Variants in TMEM47 observed in about 807,000 individuals in gnomAD.
The protein encoded by TMEM47 is transmembrane protein 47, also known as brain cell membrane protein 1.
In TMEM47, 3 loss-of-function variants were observed where a neutral mutation model predicts 12.4. The observed-to-expected ratio is 0.24, with a 90% CI of 0.11 to 0.63. The LOEUF is 0.63. Among genes scored for constraint, TMEM47 ranks in the 20% least tolerant of loss-of-function variants. The pLI, the probability that TMEM47 is intolerant of heterozygous loss-of-function variation, is 0.86. For missense variants in TMEM47, 89 were observed against 143.8 expected (o/e 0.62, Z 1.95); for synonymous variants, 62 against 63.3 (o/e 0.98, Z 0.10).
At chrX:34,655,189 T>A (rs1266243826) in intron 1 of TMEM47, among the ~76,000 whole-genome samples, 2 of 111,664 alleles carry the variant, frequency 1.8e-5, no homozygotes, top group African/African-American at 6.5e-5. Flanking sequence ...ATCTGAAAAG[T>A]CTTTATGCAA....
intron 1 of TMEM47, among the ~76,000 whole-genome samples, chrX:34,646,242 C>A (rs72626894): frequency 0.046 from 5,093 of 111,284 alleles, 248 homozygotes; most frequent in African/African-American, 0.15. Flanking sequence ...AATAATGGAA[C>A]ATTTTAGCTG....
intron 1 of TMEM47, among the ~76,000 whole-genome samples, chrX:34,643,373 G>T (rs1461494233): frequency 9.1e-6 from 1 of 109,851 alleles, no homozygotes; most frequent in Non-Finnish European, 1.9e-5. Flanking sequence ...TATTATAAGA[G>T]ACCAGAAAAC....
intron 1 of TMEM47, among the ~76,000 whole-genome samples, chrX:34,642,152 C>T (rs1284782441): frequency 2.7e-5 from 3 of 112,596 alleles, no homozygotes; most frequent in Non-Finnish European, 3.8e-5. Context: ...CCACTGCACC[C>T]AGCCCCAATA....
chrX:34,632,004 T>C lies in TMEM47; in HGVS notation c.368-1513A>G, dbSNP rs544028227. Among the ~76,000 whole-genome samples the C allele has an allele frequency of 3.0e-4, 34 of 111,770 alleles. No individual in the cohort carries two copies. The South Asian group carries it at 0.012, about 41-fold the overall frequency. ...TGGCAAACTACCAAATCTGGTCTGC[T>C]TTTTGTTTTTGAAAAAGTTTTACTG... is the stretch of plus-strand genomic sequence containing the variant. On this transcript the variant is annotated intron_variant, in intron 2 of 2. Coordinates refer to ENST00000275954, the MANE Select transcript of TMEM47 (RefSeq NM_031442.4).
At chrX:34,637,749 G>T (rs984686385) in intron 2 of TMEM47, among the ~76,000 whole-genome samples, 1 of 111,629 alleles carries the variant, frequency 9.0e-6, no homozygotes, top group South Asian at 3.7e-4. Flanking sequence ...CATAGCACAC[G>T]GTACTAAATC....
At chrX:34,644,649 C>A (rs2147140359) in intron 1 of TMEM47, among the ~76,000 whole-genome samples, 2 of 111,619 alleles carry the variant, frequency 1.8e-5, no homozygotes, top group Admixed American at 9.5e-5. Context: ...TATGTAAATC[C>A]CTGAGCACAT....
intron 1 of TMEM47, 135 bp from the exon 2 acceptor site, chrX:34,639,522 A>T: frequency 1.6e-6 from 1 of 631,813 alleles, no homozygotes; most frequent in Non-Finnish European, 2.4e-6. Flanking sequence ...TGGGGTTTGA[A>T]ATGTTTTGCA....
rs189985425 is a variant in TMEM47 at position 34,641,111 on chromosome X, T to C, written c.227-1724A>G. The stretch of plus-strand genomic sequence containing the variant: ...AATTAAAAAGCCAAAAAAAAAAAAA[T>C]AGTCCTTACATTTGAAGTCTCTAAA... On this transcript the variant is annotated intron_variant, in intron 1 of 2. Coordinates refer to ENST00000275954, the MANE Select transcript of TMEM47 (RefSeq NM_031442.4). Among the ~76,000 whole-genome samples, 769 of 84,448 alleles carry C rather than the reference T, an allele frequency of 9.1e-3. 7 individuals are homozygous for C. The highest frequency in any genetic ancestry group is 0.031 in the African/African-American group (719 of 23,205). 73.3% of individuals were successfully genotyped at this position (84,448 alleles called of 115,157 possible).
At chrX:34,646,233 A>G (rs1318311028) in intron 1 of TMEM47, among the ~76,000 whole-genome samples, 1 of 112,363 alleles carries the variant, frequency 8.9e-6, no homozygotes, top group Non-Finnish European at 1.9e-5. Flanking sequence ...TTTTCAACAA[A>G]TAATGGAACA....
At chrX:34,654,649 A>G (rs1922072981) in intron 1 of TMEM47, among the ~76,000 whole-genome samples, 1 of 110,809 alleles carries the variant, frequency 9.0e-6, no homozygotes, top group South Asian at 3.8e-4. Context: ...CCTTTCCTCC[A>G]CCCCCGCCCT....
intron 2 of TMEM47, among the ~76,000 whole-genome samples, chrX:34,632,654 A>G (rs963452932): frequency 1.8e-5 from 2 of 111,979 alleles, no homozygotes; most frequent in Non-Finnish European, 3.8e-5. Context: ...GAGTGGATAC[A>G]CAAGTAAGTT....
intron 2 of TMEM47, among the ~76,000 whole-genome samples, chrX:34,633,514 A>G (rs1414005875): frequency 9.0e-6 from 1 of 111,670 alleles, no homozygotes; most frequent in African/African-American, 3.3e-5. Context: ...TGGAAGAAAC[A>G]GCAGGGGCCC....
intron 1 of TMEM47, among the ~76,000 whole-genome samples, chrX:34,648,965 T>C (rs1273579343): frequency 8.9e-6 from 1 of 112,126 alleles, no homozygotes; most frequent in East Asian, 2.8e-4. Flanking sequence ...TCACTGATCA[T>C]TAGAGAAATT....
At chrX:34,640,763 A>G (rs191972038) in intron 1 of TMEM47, among the ~76,000 whole-genome samples, 254 of 110,887 alleles carry the variant, frequency 2.3e-3, no homozygotes, top group African/African-American at 7.5e-3. Flanking sequence ...ATACCCTAAG[A>G]TTTTCTTTTA....
chrX:34,654,710 C>A (rs1601970112), intron 1 of TMEM47, among the ~76,000 whole-genome samples: 1 of 112,111 alleles, frequency 8.9e-6, no homozygotes, highest in African/African-American at 3.2e-5. Context: ...ATTATATATA[C>A]ACAAAGTCAA....
intron 2 of TMEM47, among the ~76,000 whole-genome samples, chrX:34,637,450 G>A (rs1192437381): frequency 2.7e-5 from 3 of 111,078 alleles, no homozygotes; most frequent in African/African-American, 9.8e-5. Context: ...TACTTGTATA[G>A]TGTAAGTGCC....
chrX:34,636,358 TATAAC>T (rs1921716485), intron 2 of TMEM47, among the ~76,000 whole-genome samples: 1 of 111,805 alleles, frequency 8.9e-6, no homozygotes, highest in Non-Finnish European at 1.9e-5. Context: ...TTTCTGCAGA[TATAAC>T]ATAAAGAATC....
At chrX:34,640,181 C>T (rs894358374) in intron 1 of TMEM47, among the ~76,000 whole-genome samples, 5 of 111,403 alleles carry the variant, frequency 4.5e-5, no homozygotes, top group African/African-American at 6.5e-5. Flanking sequence ...TTTACCATCA[C>T]GGGTGTGGTT....
At chrX:34,653,755 A>C (rs1202635953) in intron 1 of TMEM47, among the ~76,000 whole-genome samples, 1 of 112,019 alleles carries the variant, frequency 8.9e-6, no homozygotes, top group Non-Finnish European at 1.9e-5. Flanking sequence ...GGTTTATTAA[A>C]AGGTTCCCCA....
Sources: allele counts gnomAD v4.1 joint callset (sites outside exome capture counted in the v4.1 genomes callset), GRCh38; gene constraint gnomAD v4.1.1; transcripts MANE v1.5; gene names NCBI Gene and HGNC (gene_info 2026-07-23, HGNC 2026-07-21).